Variants in HECTD4 observed in about 807,000 individuals in gnomAD.
HECTD4 encodes HECT domain E3 ubiquitin protein ligase 4, also known as probable E3 ubiquitin-protein ligase HECTD4.
A neutral mutation model predicts 471.5 loss-of-function variants in HECTD4; 114 were observed. That is an observed-to-expected ratio of 0.24 (90% CI 0.21 to 0.28). The LOEUF is 0.28. Among genes scored for constraint, HECTD4 ranks in the 10% least tolerant of loss-of-function variants. HECTD4 has a pLI of 1.00. For missense variants in HECTD4, 3,866 were observed against 5,651.5 expected (o/e 0.68, Z 10.13); for synonymous variants, 2,012 against 2,256.0 (o/e 0.89, Z 3.07).
chr12:112,327,128 C>T (rs2035760560), intron 1 of HECTD4, among the ~76,000 whole-genome samples: 3 of 152,170 alleles, frequency 2.0e-5, no homozygotes, highest in East Asian at 1.9e-4. Flanking sequence ...GAGTTCGAGA[C>T]CAGCCTGGTG....
chr12:112,185,552 G>T, intron 60 of HECTD4, 59 bp from the exon 61 acceptor site: 9 of 1,294,338 alleles, frequency 7.0e-6, no homozygotes, highest in Non-Finnish European at 9.6e-6. Context: ...TGTTCCAGGC[G>T]CAGTTCTGAG....
In HECTD4 at chr12:112,190,916, C is replaced by A; in HGVS notation, c.9342G>T (p.Leu3114=). 1 of 1,569,974 alleles carries A rather than the reference C, an allele frequency of 6.4e-7. No homozygotes were observed. The highest frequency in any genetic ancestry group is 2.4e-5 in the East Asian group (1 of 42,282). Residue 3114 remains leucine (L), a synonymous_variant, in exon 60 of 76, where the codon CTG becomes CTT. Coordinates refer to ENST00000682272, the MANE Select transcript of HECTD4 (RefSeq NM_001388303.1). ...CGAAGGCCATAGCCAGTGGGAACTC[C>A]AGGGGCAGGGAATGTAACACCAGGA... ...GAVLVLHSLP[L]EFPLAMAFAE...
At chr12:112,169,030 C>G (rs2031102238) in intron 70 of HECTD4, among the ~76,000 whole-genome samples, 1 of 152,216 alleles carries the variant, frequency 6.6e-6, no homozygotes, top group South Asian at 2.1e-4. Context: ...TGTGGAGAAA[C>G]TAGCTTTCTT....
rs1270773776 is a variant in HECTD4, at chr12:112,382,182, G to C, written c.-54C>G. ...AGCAGACGCCCGGCCGGGGGAAACG[G>C]AGCAGGAGCCGCCGCGATCACCAGT... On this transcript the variant is annotated 5_prime_UTR_variant, in exon 1 of 76. Coordinates refer to ENST00000682272, the MANE Select transcript of HECTD4 (RefSeq NM_001388303.1). 1.8e-5 allele frequency: 22 copies of C among 1,203,550 alleles called. No individual in the cohort carries two copies. The highest frequency in any genetic ancestry group is 2.2e-5 in the Non-Finnish European group (21 of 967,768). The allele number at this position is 1,203,550 out of a possible 1,614,324, so 74.6% of individuals were successfully genotyped here.
chr12:112,236,019 T>C (rs1382927936), intron 35 of HECTD4, among the ~76,000 whole-genome samples: 1 of 152,252 alleles, frequency 6.6e-6, no homozygotes, highest in South Asian at 2.1e-4. Context: ...TGATGTTTAC[T>C]TGAGATCCTA....
At chr12:112,299,400 G>A (rs2035117015) in intron 7 of HECTD4, among the ~76,000 whole-genome samples, 1 of 152,032 alleles carries the variant, frequency 6.6e-6, no homozygotes, top group Non-Finnish European at 1.5e-5. Context: ...AGGATCCAAT[G>A]AGCCCAGAGT....
intron 48 of HECTD4, among the ~76,000 whole-genome samples, chr12:112,214,648 A>T (rs565657310): frequency 1.1e-4 from 16 of 152,182 alleles, no homozygotes; most frequent in Non-Finnish European, 2.1e-4. Context: ...AACTGATAAA[A>T]CAACAAATAC....
chr12:112,279,250 T>G lies in HECTD4; in HGVS notation c.1665A>C (p.Thr555=), dbSNP rs1240536001. The change falls in exon 9 of 76, where the codon ACA becomes ACC. Residue 555 remains threonine, a synonymous_variant. Transcript: ENST00000682272. ...TACTTTTTAAAGATGACAAACCACT[T>G]GTTCCACCAAAAAGAGATCGGGTGG... ...SSATRSLFGG[T]SGLSSLKILA... is the part of the protein sequence containing the mutation. 1.2e-6 allele frequency: 2 copies of G among 1,609,100 alleles called. No individual in the cohort carries two copies. The highest frequency in any genetic ancestry group is 1.7e-6 in the Non-Finnish European group (2 of 1,178,954).
Position 112,184,485 on chromosome 12 carries a change from A to T in HECTD4, c.10481T>A (p.Ile3494Asn). The stretch of plus-strand genomic sequence containing the variant: ...TTGGGAGATGCCCTGCGAGCTGCAG[A>T]TGGAGGCCTGGCTGGTGGAGGCGGA... ...SASASTSQAS[I>N]CSSQGISQTV... The change falls in exon 61 of 76, where the codon ATC (isoleucine) becomes AAC (asparagine). Residue 3494 changes from isoleucine to asparagine, a missense_variant. By Grantham distance (149) the Ile-to-Asn change is moderately radical (BLOSUM62 -3). Coordinates refer to ENST00000682272, the MANE Select transcript of HECTD4 (RefSeq NM_001388303.1). The surrounding 1 kb of genome is among the most constrained non-coding windows in gnomAD (Gnocchi z 9.1). 2.5e-6 allele frequency: 4 copies of T among 1,607,902 alleles called. No homozygotes were observed. The highest frequency in any genetic ancestry group is 3.4e-6 in the Non-Finnish European group (4 of 1,177,616).
rs1432993723 is a variant in HECTD4, at chr12:112,324,025, C to T, written c.178-4283G>A. Among the ~76,000 whole-genome samples the T allele has an allele frequency of 5.5e-3, 167 of 30,322 alleles. 15 individuals carry two copies. The highest frequency in any genetic ancestry group is 0.032 in the African/African-American group (91 of 2,820). The allele number at this position is 30,322 out of a possible 152,430, so 19.9% of individuals were successfully genotyped here. A position where few individuals can be genotyped will look rare whatever the true frequency, so the allele number is the denominator to read the frequency against. On this transcript the variant is annotated intron_variant, in intron 1 of 75. Transcript: ENST00000682272. The stretch of plus-strand genomic sequence containing the variant: ...TCCTTCCTTCCTTCCTTCCTTCCTT[C>T]CTTCCTTCCTTCCTTCCTTCCTTTC...
intron 11 of HECTD4, among the ~76,000 whole-genome samples, chr12:112,272,348 C>A (rs1407628042): frequency 1.3e-5 from 2 of 152,210 alleles, no homozygotes; most frequent in African/African-American, 2.4e-5. Flanking sequence ...CAGCGCCTAG[C>A]CTCATTTATT....
In HECTD4 at chr12:112,235,200, T is replaced by C. The variant is rs1319178562; in HGVS notation, c.5792A>G (p.Lys1931Arg). Reference protein sequence around the residue: ...PDTTLTKTSPKNSLKGDKDPG... With the variant: ...PDTTLTKTSPRNSLKGDKDPG... ...ATCTTTATCTCCTTTCAAGGAATTC[T>C]TGGGACTGGTTTTTGTCAATGTGGT... The change falls in exon 37 of 76, where the codon AAG (lysine) becomes AGG (arginine). Residue 1931 changes from lysine (K) to arginine (R), a missense_variant. Transcript: ENST00000682272. This position sits in a 1 kb window ranked among gnomAD's most constrained non-coding sequence, Gnocchi z 5.0. 6.2e-7 allele frequency: 1 copy of C among 1,614,050 alleles called. No individual in the cohort carries two copies. The highest frequency in any genetic ancestry group is 2.2e-5 in the East Asian group (1 of 44,892).
chr12:112,297,179 G>A (rs983870675), intron 7 of HECTD4, among the ~76,000 whole-genome samples: 21 of 151,494 alleles, frequency 1.4e-4, no homozygotes, highest in Non-Finnish European at 2.7e-4. Context: ...TGCAGAGGGT[G>A]TAGGTGCAGT....
chr12:112,170,175 G>A, intron 69 of HECTD4, 158 bp downstream of exon 69: 1 of 1,015,954 alleles, frequency 9.8e-7, no homozygotes, highest in Non-Finnish European at 1.4e-6. Flanking sequence ...CTCCTGAGGG[G>A]ACCTTCCAGC....
chr12:112,185,159 C>A lies in HECTD4; in HGVS notation c.9807G>T (p.Leu3269=). 6.4e-7 allele frequency: 1 copy of A among 1,552,596 alleles called. No homozygotes were observed. The highest frequency in any genetic ancestry group is 8.7e-7 in the Non-Finnish European group (1 of 1,147,480). Residue 3269 remains leucine, a synonymous_variant, in exon 61 of 76, where the codon CTG becomes CTT. Coordinates refer to ENST00000682272, the MANE Select transcript of HECTD4 (RefSeq NM_001388303.1). ...EGCLAVAEVT[L]PTNMSVTASG... is the part of the protein sequence containing the mutation. Reference sequence around the variant, plus strand: ...TGGCTGTGACACTCATGTTAGTAGGCAGGGTCACTTCGGCCACAGCCAGGC... The same window carrying A: ...TGGCTGTGACACTCATGTTAGTAGGAAGGGTCACTTCGGCCACAGCCAGGC...
chr12:112,218,797 C>T (rs1488459038), intron 45 of HECTD4, among the ~76,000 whole-genome samples: 4 of 151,980 alleles, frequency 2.6e-5, no homozygotes, highest in African/African-American at 9.7e-5. Flanking sequence ...TGCAGTGGCA[C>T]AATCTCAGCT....
At chr12:112,248,617 G>A (rs2033811585) in intron 25 of HECTD4, 105 bp from the exon 26 acceptor site, 1 of 742,334 alleles carries the variant, frequency 1.3e-6, no homozygotes, top group African/African-American at 1.8e-5. Flanking sequence ...GTCTCCCTCT[G>A]TCACCTAGGC....
chr12:112,289,441 C>T (rs535592997), intron 7 of HECTD4, among the ~76,000 whole-genome samples: 3 of 152,240 alleles, frequency 2.0e-5, no homozygotes, highest in East Asian at 1.9e-4. Context: ...TGATCTTAGT[C>T]GTTTCAATCC....
At chr12:112,219,863 G>C (rs1447266514) in intron 44 of HECTD4, among the ~76,000 whole-genome samples, 1 of 151,722 alleles carries the variant, frequency 6.6e-6, no homozygotes, top group African/African-American at 2.4e-5. Flanking sequence ...GCCTCCCAAA[G>C]TGCTGGGATT....
Sources: gnomAD v4.1 joint callset for allele counts (sites outside exome capture counted in the v4.1 genomes callset) on GRCh38, gnomAD v4.1.1 for gene constraint, Gnocchi (gnomAD v3.1) non-coding constraint, MANE v1.5 for transcripts, NCBI Gene and HGNC (gene_info 2026-07-23, HGNC 2026-07-21) for gene names.